The following SLC4A10 variants were observed in gnomAD, a reference collection of about 807,000 sequenced individuals.
SLC4A10 encodes the protein solute carrier family 4 member 10, also known as sodium-driven chloride bicarbonate exchanger.
Under a neutral mutation model 137.7 loss-of-function variants are expected in SLC4A10, and 42 were observed. That is an observed-to-expected ratio of 0.30 (90% confidence interval 0.24 to 0.39). The LOEUF (loss-of-function observed/expected upper bound fraction) is 0.39, where lower values mean the gene tolerates loss of function less well. Ranked by LOEUF, SLC4A10 falls within the 10% of genes least tolerant of loss-of-function variation. SLC4A10 has a pLI of 1.00. For missense variants in SLC4A10, 925 were observed against 1,355.0 expected, an observed-to-expected ratio of 0.68 and a Z score of 4.98; for synonymous variants, 474 against 464.1, an observed-to-expected ratio of 1.02 and a Z score of -0.27.
At chr2:161,862,760 A>G (rs1162968563) in intron 5 of SLC4A10, 114 bp from the exon 6 acceptor site, 6 of 752,790 alleles carry the variant, frequency 8.0e-6, no homozygotes, top group Admixed American at 4.1e-5. Flanking sequence ...AGTTATTTCT[A>G]TTTCAAGATG....
At chr2:161,734,055 A>G (rs1475015539) in intron 1 of SLC4A10, among the ~76,000 whole-genome samples, 4 of 152,128 alleles carry the variant, frequency 2.6e-5, no homozygotes, top group Non-Finnish European at 5.9e-5. Context: ...TACGGCTCAT[A>G]AGCAGAAGGT....
chr2:161,636,127 G>A (rs1180379814), intron 1 of SLC4A10, among the ~76,000 whole-genome samples: 1 of 152,054 alleles, frequency 6.6e-6, no homozygotes, highest in African/African-American at 2.4e-5. Context: ...GTTATAACAA[G>A]TTAGTATGAG....
At chr2:161,778,858 T>G (rs1167425194) in intron 2 of SLC4A10, among the ~76,000 whole-genome samples, 3 of 151,996 alleles carry the variant, frequency 2.0e-5, no homozygotes, top group African/African-American at 7.2e-5. Flanking sequence ...CTTGATATTC[T>G]TTTACTCCTT....
intron 23 of SLC4A10, among the ~76,000 whole-genome samples, chr2:161,966,577 C>T (rs889795071): frequency 2.6e-5 from 4 of 151,794 alleles, no homozygotes; most frequent in Admixed American, 6.6e-5. Flanking sequence ...GGTGAAACCC[C>T]GTGTCCACTA....
intron 6 of SLC4A10, among the ~76,000 whole-genome samples, chr2:161,870,648 A>T (rs928718902): frequency 6.6e-6 from 1 of 151,840 alleles, no homozygotes; most frequent in Non-Finnish European, 1.5e-5. Flanking sequence ...AGATTTTTTT[A>T]AAACTACAGT....
intron 1 of SLC4A10, among the ~76,000 whole-genome samples, chr2:161,640,653 CT>C (rs1260603261): frequency 1.6e-5 from 1 of 60,970 alleles, no homozygotes; most frequent in Non-Finnish European, 3.8e-5. Context: ...TCCTTCCTTC[CT>C]TCCTTCTTTC....
At chr2:161,858,522 T>G (rs1342319188) in intron 5 of SLC4A10, among the ~76,000 whole-genome samples, 2 of 152,152 alleles carry the variant, frequency 1.3e-5, no homozygotes, top group African/African-American at 4.8e-5. Context: ...CTTCAAAATA[T>G]TACTTAACCT....
intron 1 of SLC4A10, among the ~76,000 whole-genome samples, chr2:161,659,148 C>G (rs2037962047): frequency 6.6e-6 from 1 of 152,130 alleles, no homozygotes; most frequent in African/African-American, 2.4e-5. Context: ...GATATGGAAT[C>G]AATCTGTGTG....
intron 1 of SLC4A10, among the ~76,000 whole-genome samples, chr2:161,726,550 T>C (rs574821557): frequency 3.3e-5 from 5 of 152,168 alleles, no homozygotes; most frequent in Non-Finnish European, 5.9e-5. Context: ...AAATTGGCAG[T>C]GGCAAAAGCT....
intron 1 of SLC4A10, among the ~76,000 whole-genome samples, chr2:161,678,905 A>T (rs188542523): frequency 3.3e-5 from 5 of 152,192 alleles, no homozygotes; most frequent in African/African-American, 7.2e-5. Flanking sequence ...GGCTGTTATG[A>T]TTGAAACCAA....
chr2:161,812,189 T>C (rs1255943301), intron 3 of SLC4A10, among the ~76,000 whole-genome samples: 2 of 152,054 alleles, frequency 1.3e-5, no homozygotes, highest in African/African-American at 4.8e-5. Context: ...ATTGCTAAGA[T>C]TGACCTAATG....
At chr2:161,958,428 G>A in intron 20 of SLC4A10, 59 bp from the exon 21 acceptor site, 2 of 1,451,904 alleles carry the variant, frequency 1.4e-6, no homozygotes, top group Non-Finnish European at 1.9e-6. Flanking sequence ...TTTGATAAAT[G>A]CAAAACCACA....
At chr2:161,719,204 T>A (rs1292632716) in intron 1 of SLC4A10, among the ~76,000 whole-genome samples, 1 of 152,144 alleles carries the variant, frequency 6.6e-6, no homozygotes, top group Non-Finnish European at 1.5e-5. Flanking sequence ...GTTTCCAGCT[T>A]CATCCATGTC....
At chr2:161,759,318 T>C (rs554780812) in intron 1 of SLC4A10, among the ~76,000 whole-genome samples, 1 of 152,140 alleles carries the variant, frequency 6.6e-6, no homozygotes, top group African/African-American at 2.4e-5. Context: ...TAGTTACGTG[T>C]GTGTGTTGTG....
At chr2:161,633,637 T>C (rs1261347140) in intron 1 of SLC4A10, among the ~76,000 whole-genome samples, 37 of 151,770 alleles carry the variant, frequency 2.4e-4, no homozygotes, top group Admixed American at 2.4e-3. Flanking sequence ...GTAGCTATTA[T>C]TCTTATTCTT....
intron 1 of SLC4A10, among the ~76,000 whole-genome samples, chr2:161,764,989 C>T (rs957249246): frequency 2.0e-5 from 3 of 152,064 alleles, no homozygotes; most frequent in African/African-American, 2.4e-5. Flanking sequence ...TGATTTCTGT[C>T]GGATTAGTTA....
At position 161,957,038 on chromosome 2, in the gene SLC4A10, G is replaced by T; in HGVS notation, c.2591G>T (p.Gly864Val). 6.2e-6 allele frequency: 10 copies of T among 1,609,220 alleles called. No homozygotes were observed. Among genetic ancestry groups the T allele is most frequent in the Non-Finnish European group, 8.5e-6 (10 of 1,177,844 alleles). ...LDLLMVAVML[G>V]VCSIMGLPWF... is the part of the protein sequence containing the mutation. ...CTATTAATGGTGGCTGTCATGCTCG[G>T]TGTATGCTCCATCATGGGCCTGCCA... The change falls in exon 20 of 27, where the codon GGT becomes GTT. Residue 864 changes from glycine (G) to valine (V), a missense_variant. Coordinates refer to ENST00000446997, the MANE Select transcript of SLC4A10 (RefSeq NM_001178015.2).
intron 1 of SLC4A10, among the ~76,000 whole-genome samples, chr2:161,698,318 C>T (rs1458142396): frequency 6.6e-6 from 1 of 152,132 alleles, no homozygotes; most frequent in Non-Finnish European, 1.5e-5. Context: ...TGTCTGATTG[C>T]CCTGGCCAGA....
At position 161,699,543 on chromosome 2, in the gene SLC4A10, T is replaced by C. The variant is rs117753966; in HGVS notation, c.49-71430T>C. Among the ~76,000 whole-genome samples the C allele has an allele frequency of 9.0e-4, 137 of 152,320 alleles. 2 individuals are homozygous for C. In the East Asian group the frequency reaches 0.023, roughly 26 times the overall value. On this transcript the variant is annotated intron_variant, in intron 1 of 26. Coordinates refer to ENST00000446997, the MANE Select transcript of SLC4A10 (RefSeq NM_001178015.2). ...TTAAGTTCAAATGTTGCCAGTGTAT[T>C]TATTAGGTGTGATGGAGGAATATGA...
Sources: allele counts gnomAD v4.1 joint callset (sites outside exome capture counted in the v4.1 genomes callset), GRCh38; gene constraint gnomAD v4.1.1; transcripts MANE v1.5; gene names NCBI Gene and HGNC (gene_info 2026-07-23, HGNC 2026-07-21).